Variants in ZNF333 observed in about 807,000 individuals in gnomAD.
ZNF333 encodes the protein zinc finger protein 333.
In ZNF333, 61 loss-of-function variants were observed where a neutral mutation model predicts 76.1. The observed-to-expected ratio is 0.80, with a 90% CI of 0.65 to 0.99. The LOEUF (loss-of-function observed/expected upper bound fraction) is 0.99. ZNF333 is among the 50% of genes least tolerant of loss of function. ZNF333 has a pLI of 0.00. For synonymous variants in ZNF333, 284 were observed against 305.0 expected (o/e 0.93, Z 0.72); for missense variants, 717 against 822.4 (o/e 0.87, Z 1.57).
At chr19:14,710,550 G>T (rs958140194) in intron 7 of ZNF333, among the ~76,000 whole-genome samples, 24 of 152,330 alleles carry the variant, frequency 1.6e-4, no homozygotes, top group Middle Eastern at 3.4e-3. Flanking sequence ...GGCCAAGGTG[G>T]GTAGATCACT....
rs10404420 is a variant in ZNF333, at chr19:14,701,498, G to A, written c.306+2217G>A. 7,230 of 859,452 alleles carry A rather than the reference G, an allele frequency of 8.4e-3. 359 individuals are homozygous for A. The African/African-American group carries it at 0.1, about 12-fold the overall frequency. 53.2% of individuals were successfully genotyped at this position (859,452 alleles called of 1,614,324 possible). A position where few individuals can be genotyped will look rare whatever the true frequency, so the allele number is the denominator to read the frequency against. Reference sequence around the variant, plus strand: ...GTGTGTCATGTAGCCCCCAGTGCTTGTTGAATGAAGGAAGGAATGGATAAG... The same window carrying A: ...GTGTGTCATGTAGCCCCCAGTGCTTATTGAATGAAGGAAGGAATGGATAAG... On this transcript the variant is annotated intron_variant, in intron 5 of 11. Coordinates refer to ENST00000292530, the MANE Select transcript of ZNF333 (RefSeq NM_032433.4).
At chr19:14,731,089 C>A in intron 11 of ZNF333, 3 of 1,220,296 alleles carry the variant, frequency 2.5e-6, no homozygotes, top group Non-Finnish European at 2.3e-6. Context: ...GCCCCTCCTG[C>A]CCCCTCCCCC....
Position 14,719,546 on chromosome 19 carries a change from A to G in ZNF333, c.*221A>G. 9.1e-7 allele frequency: 1 copy of G among 1,094,154 alleles called. No individual in the cohort carries two copies. Among genetic ancestry groups the G allele is most frequent in the Non-Finnish European group, 1.2e-6 (1 of 812,152 alleles). The allele number at this position is 1,094,154 out of a possible 1,614,324, so 67.8% of individuals were successfully genotyped here. A position where few individuals can be genotyped will look rare whatever the true frequency, so the allele number is the denominator to read the frequency against. Reference sequence around the variant, plus strand: ...TATTTTCATAGAGGTATAATGACTTATAGTGAAATGCATACATCTGAAGTG... The same window carrying G: ...TATTTTCATAGAGGTATAATGACTTGTAGTGAAATGCATACATCTGAAGTG... On this transcript the variant is annotated 3_prime_UTR_variant, in exon 12 of 12. Coordinates refer to ENST00000292530, the MANE Select transcript of ZNF333 (RefSeq NM_032433.4).
rs571042009 is a variant in ZNF333, at chr19:14,706,747, G to A, written c.485G>A (p.Arg162His). The change falls in exon 7 of 12, where the codon CGC becomes CAC. Residue 162 changes from arginine to histidine, a missense_variant. Transcript: ENST00000292530. ...ATACCAGTGCCTACTCTGGGCCACC[G>A]CAACCCATGGGTGGCCAGGGATTCT... ...VVIPVPTLGH[R>H]NPWVARDSAV... 5.0e-5 allele frequency: 81 copies of A among 1,613,658 alleles called. No individual in the cohort carries two copies. In the Admixed American group the frequency reaches 6.7e-4, roughly 13 times the overall value.
In ZNF333 at chr19:14,690,095, C is replaced by G. The variant is rs1045334270; in HGVS notation, c.-97C>G. On this transcript the variant is annotated 5_prime_UTR_variant, in exon 1 of 12. Transcript: ENST00000292530. Reference sequence around the variant, plus strand: ...GGCCGACGGCGGCTGAGCTGTGCTGCGCGGCGCGGCGCGGTGCGGCACGGC... The same window carrying G: ...GGCCGACGGCGGCTGAGCTGTGCTGGGCGGCGCGGCGCGGTGCGGCACGGC... 6.7e-6 allele frequency: 1 copy of G among 148,318 alleles called. No homozygotes were observed. Among genetic ancestry groups the G allele is most frequent in the African/African-American group, 2.5e-5 (1 of 40,106 alleles). The allele number at this position is 148,318 out of a possible 1,614,324, so 9.2% of individuals were successfully genotyped here. A position where few individuals can be genotyped will look rare whatever the true frequency, so the allele number is the denominator to read the frequency against.
At chr19:14,717,783 G>T (rs1285333646) in intron 11 of ZNF333, 50 bp downstream of exon 11, 1 of 1,565,088 alleles carries the variant, frequency 6.4e-7, no homozygotes, top group African/African-American at 1.3e-5. Flanking sequence ...GGATGAGTCT[G>T]GGGTTAACCG....
chr19:14,724,551 A>C (rs942305943), downstream of ZNF333, among the ~76,000 whole-genome samples: 1 of 152,190 alleles, frequency 6.6e-6, no homozygotes, highest in African/African-American at 2.4e-5. Context: ...GGATCACCTG[A>C]GGTCAGGGGC....
chr19:14,727,276 C>T (rs927344277), intron 11 of ZNF333, among the ~76,000 whole-genome samples: 6 of 152,242 alleles, frequency 3.9e-5, no homozygotes, highest in South Asian at 2.1e-4. Context: ...GATCCGCCCG[C>T]CTTGGCCTCC....
chr19:14,691,830 C>T (rs1449382116), intron 1 of ZNF333, among the ~76,000 whole-genome samples: 1 of 152,080 alleles, frequency 6.6e-6, no homozygotes, highest in Admixed American at 6.5e-5. Context: ...GCGCCCGCCA[C>T]CATGCCCGGC....
intron 5 of ZNF333, among the ~76,000 whole-genome samples, chr19:14,699,580 C>T (rs1311322212): frequency 6.6e-6 from 1 of 151,980 alleles, no homozygotes; most frequent in Non-Finnish European, 1.5e-5. Flanking sequence ...CCTGCTTCAG[C>T]CTCCCGAGTA....
intron 2 of ZNF333, 121 bp downstream of exon 2, chr19:14,693,615 G>A (rs1972931659): frequency 1.6e-5 from 20 of 1,245,066 alleles, no homozygotes; most frequent in South Asian, 3.3e-5. Context: ...GGAAGGGTGA[G>A]TGAGGAGCAT....
intron 11 of ZNF333, chr19:14,731,164 TC>T (rs1405624817): frequency 6.5e-7 from 1 of 1,534,036 alleles, no homozygotes; most frequent in South Asian, 1.2e-5. Context: ...TCCTTATAAT[TC>T]CCTTTTCAGC....
chr19:14,717,346 CCT>C (rs2042464092), intron 10 of ZNF333: 3 of 537,604 alleles, frequency 5.6e-6, no homozygotes, highest in Non-Finnish European at 9.9e-6. Flanking sequence ...TTATCCATTT[CCT>C]CCCCACTGTA....
chr19:14,700,507 C>G (rs1328445451), intron 5 of ZNF333, among the ~76,000 whole-genome samples: 1 of 152,156 alleles, frequency 6.6e-6, no homozygotes, highest in East Asian at 1.9e-4. Context: ...TCTTAGGAGA[C>G]CAGTCTAGAT....
intron 7 of ZNF333, among the ~76,000 whole-genome samples, chr19:14,709,457 C>A (rs1177958312): frequency 6.6e-6 from 1 of 152,178 alleles, no homozygotes; most frequent in Non-Finnish European, 1.5e-5. Context: ...TGAGGTAATA[C>A]AATTCAGCTC....
intron 7 of ZNF333, among the ~76,000 whole-genome samples, chr19:14,712,372 A>G (rs1340200248): frequency 6.6e-6 from 1 of 152,004 alleles, no homozygotes; most frequent in African/African-American, 2.4e-5. Flanking sequence ...GATGTGTGCC[A>G]CCACGCCCAG....
intron 10 of ZNF333, chr19:14,717,322 T>G (rs964354790): frequency 3.9e-5 from 21 of 541,846 alleles, no homozygotes; most frequent in Non-Finnish European, 6.8e-5. Context: ...ATTTAATATT[T>G]CCATGTGTAT....
downstream of ZNF333, among the ~76,000 whole-genome samples, chr19:14,723,330 A>G (rs1158701503): frequency 1.3e-5 from 2 of 152,186 alleles, no homozygotes; most frequent in Non-Finnish European, 1.5e-5. Context: ...CTGTAGTTTT[A>G]CAATAAATTT....
chr19:14,716,206 T>C lies in ZNF333; in HGVS notation c.695T>C (p.Met232Thr), dbSNP rs1039193074. The C allele has an allele frequency of 1.9e-6, 3 of 1,613,914 alleles. No individual in the cohort carries two copies. Among genetic ancestry groups the C allele is most frequent in the Non-Finnish European group, 2.5e-6 (3 of 1,180,006 alleles). The change falls in exon 9 of 12, where the codon ATG becomes ACG. Residue 232 changes from methionine to threonine, a missense_variant. Transcript: ENST00000292530. Reference protein sequence around the residue: ...STQRSLYRDVMLENYRNLASV... With the variant: ...STQRSLYRDVTLENYRNLASV... ...CAGAGGAGCCTGTATAGAGATGTGA[T>C]GCTGGAGAACTACAGGAACCTGGCC...
Sources: gnomAD v4.1 joint callset for allele counts (sites outside exome capture counted in the v4.1 genomes callset) on GRCh38, gnomAD v4.1.1 for gene constraint, MANE v1.5 for transcripts, NCBI Gene and HGNC (gene_info 2026-07-23, HGNC 2026-07-21) for gene names.